GALNT2: variants seen among roughly 807,000 people sequenced by gnomAD.
GALNT2 encodes polypeptide N-acetylgalactosaminyltransferase 2.
A neutral mutation model predicts 81.4 loss-of-function variants in GALNT2; 31 were observed. The observed-to-expected ratio is 0.38, with a 90% CI of 0.29 to 0.51. The LOEUF (loss-of-function observed/expected upper bound fraction) is 0.51, where lower values mean the gene tolerates loss of function less well. GALNT2 is among the 20% of genes least tolerant of loss of function. The probability of loss-of-function intolerance (pLI) is 0.87; values close to 1 mark genes in which losing one functional copy is unlikely to be tolerated. For synonymous variants in GALNT2, 303 were observed against 287.4 expected (o/e 1.05, Z -0.55); for missense variants, 629 against 765.7 (o/e 0.82, Z 2.11).
chr1:230,211,066 G>T (rs1456726562), intron 3 of GALNT2, among the ~76,000 whole-genome samples: 1 of 152,242 alleles, frequency 6.6e-6, no homozygotes, highest in Non-Finnish European at 1.5e-5. Flanking sequence ...GCTCCCCAGT[G>T]GGAGTGTGAT....
intron 1 of GALNT2, chr1:230,058,150 A>G (rs1658959685): frequency 2.2e-6 from 1 of 455,368 alleles, no homozygotes; most frequent in African/African-American, 2.0e-5. Flanking sequence ...TTTAACCATG[A>G]GTCTCCTTTC....
At chr1:230,092,298 G>A (rs1349590118) in intron 1 of GALNT2, among the ~76,000 whole-genome samples, 1 of 149,416 alleles carries the variant, frequency 6.7e-6, no homozygotes, top group Non-Finnish European at 1.5e-5. Context: ...TTCTTTCCTG[G>A]AAAGATCACC....
chr1:230,257,821 G>A lies in GALNT2; in HGVS notation c.1136+2477G>A, dbSNP rs1665761385. Among the ~76,000 whole-genome samples the A allele has an allele frequency of 6.6e-6, 1 of 152,222 alleles. No homozygotes were observed. Among genetic ancestry groups the A allele is most frequent in the South Asian group, 2.1e-4 (1 of 4,826 alleles). ...GAAATTAATTTAGGGTGATGCCCAG[G>A]AGCTTTGTTACACAACTGCGCTGGC... On this transcript the variant is annotated intron_variant, in intron 11 of 15. Coordinates refer to ENST00000366672, the MANE Select transcript of GALNT2 (RefSeq NM_004481.5). The surrounding 1 kb of genome is among the most constrained non-coding windows in gnomAD (Gnocchi z 4.6).
chr1:230,140,948 G>C (rs1207246998), intron 1 of GALNT2, among the ~76,000 whole-genome samples: 2 of 152,192 alleles, frequency 1.3e-5, no homozygotes, highest in Non-Finnish European at 2.9e-5. Context: ...TTCTGAAATA[G>C]CTATATTCTT....
chr1:230,111,760 A>G (rs1019100604), intron 1 of GALNT2, among the ~76,000 whole-genome samples: 24 of 152,178 alleles, frequency 1.6e-4, no homozygotes, highest in South Asian at 4.1e-4. Context: ...TGCAAGATCA[A>G]AAATGGAAGA....
chr1:230,265,467 A>T lies in GALNT2; in HGVS notation c.1440+100A>T, dbSNP rs12724657. The stretch of plus-strand genomic sequence containing the variant: ...TCCCAGCTGCCACCTTTCTCCTGGG[A>T]TGGGTGATGTCTATGAGGAAGCACC... On this transcript the variant is annotated intron_variant, in intron 14 of 15. Coordinates refer to ENST00000366672, the MANE Select transcript of GALNT2 (RefSeq NM_004481.5). The T allele has an allele frequency of 5.2e-6, 8 of 1,530,122 alleles. No homozygotes were observed. In the Admixed American group the frequency reaches 1.2e-4, roughly 23 times the overall value. 94.8% of individuals were successfully genotyped at this position (1,530,122 alleles called of 1,614,324 possible).
intron 1 of GALNT2, among the ~76,000 whole-genome samples, chr1:230,107,610 T>G (rs899347375): frequency 2.1e-5 from 3 of 141,114 alleles, no homozygotes; most frequent in East Asian, 2.0e-4. Flanking sequence ...CTCATGGACT[T>G]TGTGTGTGTG....
chr1:230,119,728 T>G (rs1660956911), intron 1 of GALNT2, among the ~76,000 whole-genome samples: 1 of 152,232 alleles, frequency 6.6e-6, no homozygotes, highest in South Asian at 2.1e-4. Context: ...TTTATCAGTT[T>G]CTAGTCAGTG....
rs972259675 is a variant in GALNT2, at chr1:230,067,501, C to T, written c.126+95C>T. ...CTCTCCGCGCCGCCCCTGCGCTCCTCCGCCCGGACCTCCGCTCGCGTCGCC... is the reference window on the plus strand; with the variant it reads ...CTCTCCGCGCCGCCCCTGCGCTCCTTCGCCCGGACCTCCGCTCGCGTCGCC... On this transcript the variant is annotated intron_variant, in intron 1 of 15. Transcript: ENST00000366672. 3.7e-5 allele frequency: 15 copies of T among 407,256 alleles called. No individual in the cohort carries two copies. In the Admixed American group the frequency reaches 6.2e-4, roughly 17 times the overall value. 25.2% of individuals were successfully genotyped at this position (407,256 alleles called of 1,614,324 possible).
chr1:230,211,712 G>T (rs1422621153), intron 3 of GALNT2, among the ~76,000 whole-genome samples: 1 of 152,164 alleles, frequency 6.6e-6, no homozygotes, highest in Non-Finnish European at 1.5e-5. Flanking sequence ...GTTTGTGGTT[G>T]CAGTGAGCTA....
chr1:230,151,834 C>G (rs540903638), intron 1 of GALNT2, among the ~76,000 whole-genome samples: 74 of 152,344 alleles, frequency 4.9e-4, no homozygotes, highest in African/African-American at 1.7e-3. Flanking sequence ...ACAGAGCAGC[C>G]TCGAGAGCTG....
intron 1 of GALNT2, among the ~76,000 whole-genome samples, chr1:230,172,763 T>G (rs940597956): frequency 6.6e-6 from 1 of 152,240 alleles, no homozygotes; most frequent in African/African-American, 2.4e-5. Context: ...ACTGGGAATA[T>G]TCTATTAACA....
intron 1 of GALNT2, among the ~76,000 whole-genome samples, chr1:230,104,376 C>A (rs1014932667): frequency 6.6e-6 from 1 of 152,160 alleles, no homozygotes; most frequent in Non-Finnish European, 1.5e-5. Context: ...AGTAGGTTCT[C>A]AGAACCAGCT....
intron 11 of GALNT2, among the ~76,000 whole-genome samples, chr1:230,255,698 G>T (rs1665691091): frequency 6.6e-6 from 1 of 152,194 alleles, no homozygotes; most frequent in African/African-American, 2.4e-5. Context: ...ATGTTTGGAG[G>T]AGGGACGGAG....
At chr1:230,082,526 C>T (rs934256560) in intron 1 of GALNT2, among the ~76,000 whole-genome samples, 3 of 152,238 alleles carry the variant, frequency 2.0e-5, no homozygotes, top group Admixed American at 1.3e-4. Flanking sequence ...CTCCTGCAGC[C>T]GACTCTCCTT....
At chr1:230,100,663 T>C (rs779393154) in intron 1 of GALNT2, among the ~76,000 whole-genome samples, 26 of 152,232 alleles carry the variant, frequency 1.7e-4, no homozygotes, top group Non-Finnish European at 3.5e-4. Context: ...GCGTATGTAG[T>C]GTTCACCTGA....
At chr1:230,108,645 A>T (rs1660610713) in intron 1 of GALNT2, among the ~76,000 whole-genome samples, 1 of 152,232 alleles carries the variant, frequency 6.6e-6, no homozygotes, top group African/African-American at 2.4e-5. Flanking sequence ...TACCTAAGCT[A>T]TCAAGCATCA....
intron 14 of GALNT2, among the ~76,000 whole-genome samples, chr1:230,273,642 C>T (rs1262092550): frequency 6.6e-6 from 1 of 152,204 alleles, no homozygotes; most frequent in Admixed American, 6.5e-5. Context: ...GTTGTCCTCT[C>T]ACCCTGTCAC....
rs79251436 is a variant in GALNT2 at position 230,200,007 on chromosome 1, T to C, written c.221-3130T>C. 6.3e-3 allele frequency among the ~76,000 whole-genome samples: 954 copies of C among 152,266 alleles called. 8 individuals carry two copies. The highest frequency in any genetic ancestry group is 8.8e-3 in the Non-Finnish European group (598 of 68,004). On this transcript the variant is annotated intron_variant, in intron 2 of 15. Coordinates refer to ENST00000366672, the MANE Select transcript of GALNT2 (RefSeq NM_004481.5). Reference sequence around the variant, plus strand: ...GCTTCATTCTTCACCCTCAGAGCACTTAGCTCAGTTTTTATTGATACATTT... The same window carrying C: ...GCTTCATTCTTCACCCTCAGAGCACCTAGCTCAGTTTTTATTGATACATTT...
Sources: gnomAD v4.1 joint callset for allele counts (sites outside exome capture counted in the v4.1 genomes callset) on GRCh38, gnomAD v4.1.1 for gene constraint, Gnocchi (gnomAD v3.1) non-coding constraint, MANE v1.5 for transcripts, NCBI Gene and HGNC (gene_info 2026-07-23, HGNC 2026-07-21) for gene names.